HSF2BP: variants seen among roughly 807,000 people sequenced by gnomAD.
HSF2BP encodes heat shock factor 2-binding protein.
Under a neutral mutation model 35.0 loss-of-function variants are expected in HSF2BP, and 35 were observed. That is an observed-to-expected ratio of 1.00 (90% CI 0.76 to 1.32). The LOEUF (loss-of-function observed/expected upper bound fraction) is 1.32, where lower values mean the gene tolerates loss of function less well. HSF2BP is among the 40% of genes most tolerant of loss of function. The probability of loss-of-function intolerance (pLI) is 0.00; values close to 1 mark genes in which losing one functional copy is unlikely to be tolerated. For missense variants in HSF2BP, 326 were observed against 321.7 expected (o/e 1.01, Z -0.10); for synonymous variants, 114 against 117.4 (o/e 0.97, Z 0.18).
chr21:43,646,830 G>C (rs570072633), intron 3 of HSF2BP, among the ~76,000 whole-genome samples: 3 of 152,168 alleles, frequency 2.0e-5, no homozygotes, highest in African/African-American at 7.2e-5. Context: ...GCTGTATGAG[G>C]CCGCCACCTT....
intron 8 of HSF2BP, among the ~76,000 whole-genome samples, chr21:43,572,009 G>A (rs1388774746): frequency 6.6e-6 from 1 of 152,204 alleles, no homozygotes; most frequent in Non-Finnish European, 1.5e-5. Context: ...AATGCTCACA[G>A]TCTGGACCCA....
chr21:43,535,663 AAAAATAAAT>A (rs71332402), intron 8 of HSF2BP, among the ~76,000 whole-genome samples: 1 of 3,394 alleles, frequency 2.9e-4, no homozygotes, highest in African/African-American at 1.7e-3. Flanking sequence ...ACTCTGTCTC[AAAAATAAAT>A]AAAATAAATA....
Position 43,658,141 on chromosome 21 carries a change from C to T in HSF2BP, c.-45G>A. 2.0e-6 allele frequency: 3 copies of T among 1,492,976 alleles called. No individual in the cohort carries two copies. Among genetic ancestry groups the T allele is most frequent in the Non-Finnish European group, 2.7e-6 (3 of 1,124,494 alleles). 92.5% of individuals were successfully genotyped at this position (1,492,976 alleles called of 1,614,324 possible). ...CCGTTCGCCTGAGCGTCGGCGCGCC[C>T]TCTGACCCCTCACGCCAGAAAGCGC... On this transcript the variant is annotated 5_prime_UTR_variant, in exon 2 of 9. Transcript: ENST00000291560.
chr21:43,467,852 CCA>C, the HSF2BP span, among the ~76,000 whole-genome samples: 1 of 102,502 alleles, frequency 9.8e-6, no homozygotes, highest in East Asian at 2.9e-4. Flanking sequence ...CACATACACA[CCA>C]CACACCACAC....
chr21:43,655,728 C>T (rs928529973), intron 3 of HSF2BP, among the ~76,000 whole-genome samples: 1 of 152,212 alleles, frequency 6.6e-6, no homozygotes, highest in African/African-American at 2.4e-5. Flanking sequence ...GAGCACACCA[C>T]AGGGCAGAGA....
chr21:43,648,232 A>G lies in HSF2BP; in HGVS notation c.188-3840T>C, dbSNP rs547366398. Reference sequence around the variant, plus strand: ...CCAAGAGGCAGATGTGAAGACCCACAGTAACAAGGCTCCCTCGTCCTATGG... The same window carrying G: ...CCAAGAGGCAGATGTGAAGACCCACGGTAACAAGGCTCCCTCGTCCTATGG... On this transcript the variant is annotated intron_variant, in intron 3 of 8. Coordinates refer to ENST00000291560, the MANE Select transcript of HSF2BP (RefSeq NM_007031.2). Among the ~76,000 whole-genome samples the G allele has an allele frequency of 9.2e-5, 14 of 152,286 alleles. No individual in the cohort carries two copies. The East Asian group carries it at 2.5e-3, about 27-fold the overall frequency.
At chr21:43,586,041 G>A (rs1484120697) in intron 8 of HSF2BP, among the ~76,000 whole-genome samples, 1 of 152,224 alleles carries the variant, frequency 6.6e-6, no homozygotes, top group African/African-American at 2.4e-5. Context: ...CCAAATAGAT[G>A]TAAGATGGAA....
At chr21:43,604,670 CCA>C (rs2082104280) in intron 7 of HSF2BP, among the ~76,000 whole-genome samples, 2 of 101,268 alleles carry the variant, frequency 2.0e-5, no homozygotes, top group African/African-American at 4.7e-5. Context: ...CACACACACA[CCA>C]CCACACACCA....
intron 4 of HSF2BP, among the ~76,000 whole-genome samples, chr21:43,640,167 G>A (rs1013471911): frequency 1.3e-5 from 2 of 152,188 alleles, no homozygotes; most frequent in African/African-American, 4.8e-5. Flanking sequence ...TGGGCATGGT[G>A]ACATGTGCCT....
the HSF2BP span, among the ~76,000 whole-genome samples, chr21:43,468,109 CCA>C: frequency 7.3e-6 from 1 of 136,352 alleles, no homozygotes; most frequent in Admixed American, 7.2e-5. Context: ...ACACCACAAA[CCA>C]CACACACCAC....
intron 4 of HSF2BP, among the ~76,000 whole-genome samples, chr21:43,640,176 C>A (rs1007698286): frequency 6.6e-6 from 1 of 152,102 alleles, no homozygotes; most frequent in Non-Finnish European, 1.5e-5. Context: ...TGACATGTGC[C>A]TGTGGACCTA....
At chr21:43,652,672 A>C (rs997033516) in intron 3 of HSF2BP, among the ~76,000 whole-genome samples, 4 of 152,174 alleles carry the variant, frequency 2.6e-5, no homozygotes, top group Admixed American at 6.5e-5. Flanking sequence ...ATTTTTCTTG[A>C]TGTTGGCTAA....
chr21:43,635,420 T>C (rs140325383), intron 4 of HSF2BP, among the ~76,000 whole-genome samples: 1 of 152,264 alleles, frequency 6.6e-6, no homozygotes, highest in African/African-American at 2.4e-5. Flanking sequence ...GTGCCTGATT[T>C]AGAGGAAAAA....
intron 6 of HSF2BP, among the ~76,000 whole-genome samples, chr21:43,620,968 T>C (rs546398223): frequency 6.6e-5 from 10 of 152,238 alleles, no homozygotes; most frequent in Non-Finnish European, 1.2e-4. Context: ...AGAATTATGG[T>C]GTTCAACAAG....
At chr21:43,604,534 C>A (rs1363589794) in intron 7 of HSF2BP, among the ~76,000 whole-genome samples, 1 of 145,504 alleles carries the variant, frequency 6.9e-6, no homozygotes, top group Non-Finnish European at 1.5e-5. Context: ...ACACACACAC[C>A]ACACACACCA....
chr21:43,572,499 G>A (rs2081589683), intron 8 of HSF2BP, among the ~76,000 whole-genome samples: 1 of 152,218 alleles, frequency 6.6e-6, no homozygotes, highest in African/African-American at 2.4e-5. Context: ...GAGGGAGCAT[G>A]TGAAGTTGCC....
chr21:43,572,490 A>T (rs1422941053), intron 8 of HSF2BP, among the ~76,000 whole-genome samples: 1 of 152,204 alleles, frequency 6.6e-6, no homozygotes, highest in Non-Finnish European at 1.5e-5. Context: ...TGCAGCAGAG[A>T]GGGAGCATGT....
intron 7 of HSF2BP, among the ~76,000 whole-genome samples, chr21:43,603,839 C>T (rs2082080563): frequency 6.6e-6 from 1 of 152,148 alleles, no homozygotes; most frequent in Non-Finnish European, 1.5e-5. Context: ...TGAAAAAACT[C>T]ACAGAGGCTG....
At chr21:43,622,023 G>A (rs980284435) in intron 6 of HSF2BP, among the ~76,000 whole-genome samples, 5 of 152,084 alleles carry the variant, frequency 3.3e-5, no homozygotes, top group African/African-American at 9.7e-5. Flanking sequence ...AAATATGGGG[G>A]ATGGAGTTAA....
Sources: gnomAD v4.1 joint callset for allele counts (sites outside exome capture counted in the v4.1 genomes callset) on GRCh38, gnomAD v4.1.1 for gene constraint, MANE v1.5 for transcripts, NCBI Gene and HGNC (gene_info 2026-07-23, HGNC 2026-07-21) for gene names.